The following PDE4D variants were observed in gnomAD, a reference collection of about 807,000 sequenced individuals.
PDE4D encodes the protein 3',5'-cyclic-AMP phosphodiesterase 4D.
A neutral mutation model predicts 87.4 loss-of-function variants in PDE4D; 24 were observed. The observed-to-expected ratio is 0.27, with a 90% CI of 0.20 to 0.39. PDE4D has a LOEUF of 0.39. Among genes scored for constraint, PDE4D ranks in the 10% least tolerant of loss-of-function variants. The pLI is 1.00. For synonymous variants in PDE4D, 384 were observed against 383.2 expected (o/e 1.00, Z -0.02); for missense variants, 714 against 1,041.0 (o/e 0.69, Z 4.32).
chr5:59,705,081 C>T (rs1377708161), intron 1 of PDE4D, among the ~76,000 whole-genome samples: 4 of 152,178 alleles, frequency 2.6e-5, no homozygotes, highest in African/African-American at 4.8e-5. Context: ...AGCAATTCGC[C>T]AGAGTAAACT....
At chr5:59,468,988 AG>A (rs1372966574) in intron 1 of PDE4D, among the ~76,000 whole-genome samples, 2 of 152,156 alleles carry the variant, frequency 1.3e-5, no homozygotes, top group Non-Finnish European at 2.9e-5. Context: ...TGTTGGTAGA[AG>A]GGTCTGCTTT....
chr5:59,531,893 G>A (rs1268414609), intron 1 of PDE4D, among the ~76,000 whole-genome samples: 1 of 152,166 alleles, frequency 6.6e-6, no homozygotes, highest in African/African-American at 2.4e-5. Context: ...TTAGGCAGTG[G>A]AGCTCTTTGC....
chr5:60,108,720 T>C (rs1453403949), intron 2 of PDE4D, among the ~76,000 whole-genome samples: 1 of 152,100 alleles, frequency 6.6e-6, no homozygotes, highest in Non-Finnish European at 1.5e-5. Flanking sequence ...TCTACAACTA[T>C]CTGATCTTTG....
intron 1 of PDE4D, among the ~76,000 whole-genome samples, chr5:59,652,862 G>A (rs951465981): frequency 6.6e-6 from 1 of 151,534 alleles, no homozygotes; most frequent in Non-Finnish European, 1.5e-5. Context: ...AATTAACATA[G>A]GATTGACAAA....
At chr5:60,495,536 C>G (rs1447093010) in intron 1 of PDE4D, among the ~76,000 whole-genome samples, 2 of 152,180 alleles carry the variant, frequency 1.3e-5, no homozygotes, top group East Asian at 3.8e-4. Context: ...ATAGTGCATG[C>G]AGACTACTTA....
intron 1 of PDE4D, among the ~76,000 whole-genome samples, chr5:59,801,617 C>T (rs1015740560): frequency 2.0e-5 from 3 of 152,126 alleles, no homozygotes; most frequent in Non-Finnish European, 4.4e-5. Flanking sequence ...GGAATAGACA[C>T]AGAGTCATTA....
rs190006075 is a variant in PDE4D, at chr5:59,874,578, T to A, written c.455+18590A>T. On this transcript the variant is annotated intron_variant, in intron 1 of 14. Coordinates refer to ENST00000340635, the MANE Select transcript of PDE4D (RefSeq NM_001104631.2). ...ACTGGTTATGATTTCTTATCCATTT[T>A]AAAAAAAAATAAAGTATTGGGAGAA... Among the ~76,000 whole-genome samples the A allele has an allele frequency of 2.9e-3, 445 of 151,684 alleles. 4 individuals carry two copies. The highest frequency in any genetic ancestry group is 6.7e-3 in the African/African-American group (278 of 41,388).
intron 1 of PDE4D, among the ~76,000 whole-genome samples, chr5:60,343,149 T>A (rs1758448799): frequency 6.6e-6 from 1 of 152,106 alleles, no homozygotes; most frequent in South Asian, 2.1e-4. Flanking sequence ...TCCCACAGGG[T>A]TGTGAATTTT....
At chr5:59,937,511 TTCTGGTGAAGAC>T (rs986978598) in intron 3 of PDE4D, among the ~76,000 whole-genome samples, 2 of 152,196 alleles carry the variant, frequency 1.3e-5, no homozygotes, top group African/African-American at 4.8e-5. Flanking sequence ...CATGGTCAGG[TTCTGGTGAAGAC>T]TCTTTTCCAG....
chr5:59,316,630 A>G (rs995903028), intron 1 of PDE4D, among the ~76,000 whole-genome samples: 5 of 152,188 alleles, frequency 3.3e-5, no homozygotes, highest in South Asian at 2.1e-4. Flanking sequence ...GGAAAAGACT[A>G]TATCTAGTTA....
At chr5:59,510,041 A>C (rs1391883199) in intron 1 of PDE4D, among the ~76,000 whole-genome samples, 1 of 150,216 alleles carries the variant, frequency 6.7e-6, no homozygotes, top group African/African-American at 2.4e-5. Flanking sequence ...GTACTATACA[A>C]ATATCTCTTC....
chr5:60,134,116 A>G (rs1779825193), intron 2 of PDE4D, among the ~76,000 whole-genome samples: 1 of 152,232 alleles, frequency 6.6e-6, no homozygotes, highest in African/African-American at 2.4e-5. Context: ...ATATATAACT[A>G]TACCAAATTT....
At chr5:59,494,615 G>A (rs1363248808) in intron 1 of PDE4D, among the ~76,000 whole-genome samples, 2 of 152,108 alleles carry the variant, frequency 1.3e-5, no homozygotes, top group Non-Finnish European at 2.9e-5. Context: ...TTTTCCTTGT[G>A]ATTTTAATTA....
intron 1 of PDE4D, among the ~76,000 whole-genome samples, chr5:59,664,434 C>A (rs1745736323): frequency 6.6e-6 from 1 of 152,112 alleles, no homozygotes; most frequent in African/African-American, 2.4e-5. Flanking sequence ...TGAATAACAG[C>A]TTTCATATAT....
chr5:60,296,470 G>A (rs901399067), intron 1 of PDE4D, among the ~76,000 whole-genome samples: 8 of 152,122 alleles, frequency 5.3e-5, no homozygotes, highest in African/African-American at 1.9e-4. Context: ...CTCCTTTTAA[G>A]AAGAGCCATA....
chr5:59,958,976 T>G (rs1355858722), intron 3 of PDE4D, among the ~76,000 whole-genome samples: 1 of 152,138 alleles, frequency 6.6e-6, no homozygotes, highest in Non-Finnish European at 1.5e-5. Context: ...CTAGACCTGA[T>G]AATGACTTCA....
chr5:60,254,361 CT>C, intron 1 of PDE4D, among the ~76,000 whole-genome samples: 1 of 151,916 alleles, frequency 6.6e-6, no homozygotes. Flanking sequence ...ATACGTTGTT[CT>C]GTTCATATTC....
chr5:59,391,613 T>C (rs1308608825), intron 1 of PDE4D, among the ~76,000 whole-genome samples: 3 of 152,164 alleles, frequency 2.0e-5, no homozygotes, highest in African/African-American at 7.2e-5. Flanking sequence ...AGGTCTTTGT[T>C]TAATAAGGCA....
chr5:59,925,700 A>C (rs943195250), intron 3 of PDE4D, among the ~76,000 whole-genome samples: 1 of 152,218 alleles, frequency 6.6e-6, no homozygotes, highest in African/African-American at 2.4e-5. Context: ...GAAACCAAAA[A>C]AGAACAGGAA....
Sources: gnomAD v4.1 joint callset for allele counts (sites outside exome capture counted in the v4.1 genomes callset) on GRCh38, gnomAD v4.1.1 for gene constraint, MANE v1.5 for transcripts, NCBI Gene and HGNC (gene_info 2026-07-23, HGNC 2026-07-21) for gene names.